Variants in HECW1 observed in about 807,000 individuals in gnomAD.
HECW1 encodes E3 ubiquitin-protein ligase HECW1.
Under a neutral mutation model 182.3 loss-of-function variants are expected in HECW1, and 61 were observed. The observed-to-expected ratio is 0.33, with a 90% confidence interval of 0.27 to 0.41. HECW1 has a LOEUF of 0.41. Among genes scored for constraint, HECW1 ranks in the 10% least tolerant of loss-of-function variants. The pLI is 1.00. For synonymous variants in HECW1, 859 were observed against 832.6 expected (o/e 1.03, Z -0.55); for missense variants, 1,739 against 2,108.9 (o/e 0.82, Z 3.44).
intron 2 of HECW1, among the ~76,000 whole-genome samples, chr7:43,213,533 C>A (rs1796182405): frequency 6.6e-6 from 1 of 150,938 alleles, no homozygotes; most frequent in Admixed American, 6.6e-5. Flanking sequence ...GCAAGCTCCA[C>A]CTTCCGGGTT....
Position 43,311,746 on chromosome 7 carries a change from T to C in HECW1, c.28-17T>C, listed in dbSNP as rs763522439. ...CGGCGTGCCCTGACCCTGCTCACTG[T>C]CTCTTTGCTCCCACAGAATCTGTAC... is the stretch of plus-strand genomic sequence containing the variant. On this transcript the variant is annotated splice_polypyrimidine_tract_variant and intron_variant, in intron 3 of 29. Coordinates refer to ENST00000395891, the MANE Select transcript of HECW1 (RefSeq NM_015052.5). 5 of 1,613,290 alleles carry C rather than the reference T, an allele frequency of 3.1e-6. No individual in the cohort carries two copies. The South Asian group carries it at 5.5e-5, about 18-fold the overall frequency.
rs117337377 is a variant in HECW1, at chr7:43,179,165, G to A, written c.-31-64710G>A. On this transcript the variant is annotated intron_variant, in intron 2 of 29. Transcript: ENST00000395891. Reference sequence around the variant, plus strand: ...CAAAAGGCACAGGTTCTTGCTTTCCGCAGAAAATAATAAATGCAAAATAGC... The same window carrying A: ...CAAAAGGCACAGGTTCTTGCTTTCCACAGAAAATAATAAATGCAAAATAGC... Among the ~76,000 whole-genome samples, 10 of 152,286 alleles carry A rather than the reference G, an allele frequency of 6.6e-5. No homozygotes were observed. The East Asian group carries it at 1.3e-3, about 21-fold the overall frequency.
intron 8 of HECW1, among the ~76,000 whole-genome samples, chr7:43,435,100 C>G (rs1256424592): frequency 6.6e-6 from 1 of 151,406 alleles, no homozygotes; most frequent in African/African-American, 2.4e-5. Flanking sequence ...GCAAAACAAG[C>G]ATTTCCCATC....
intron 27 of HECW1, among the ~76,000 whole-genome samples, 162 bp downstream of exon 27, chr7:43,550,753 A>C (rs962331888): frequency 2.0e-5 from 3 of 152,194 alleles, no homozygotes; most frequent in Admixed American, 1.3e-4. Context: ...ACCAGGGAGT[A>C]CTGAGGATCT....
At chr7:43,552,434 A>AT (rs1318068062) in intron 28 of HECW1, 98 bp downstream of exon 28, 2 of 834,978 alleles carry the variant, frequency 2.4e-6, no homozygotes, top group Admixed American at 1.9e-5. Flanking sequence ...GTAAAATAAA[A>AT]TTGACTAAAG....
intron 3 of HECW1, among the ~76,000 whole-genome samples, chr7:43,302,089 A>G (rs1361539686): frequency 6.6e-6 from 1 of 152,148 alleles, no homozygotes; most frequent in African/African-American, 2.4e-5. Flanking sequence ...AAACCCTCCT[A>G]AGTGTATTTC....
At chr7:43,114,012 T>C (rs905811664) in intron 1 of HECW1, 145 bp from the exon 2 acceptor site, 95 of 385,298 alleles carry the variant, frequency 2.5e-4, no homozygotes, top group Admixed American at 4.8e-4. Flanking sequence ...TCAGTCTGCA[T>C]TGGGCTGACA....
At chr7:43,251,715 C>T (rs1442769465) in intron 3 of HECW1, among the ~76,000 whole-genome samples, 1 of 152,202 alleles carries the variant, frequency 6.6e-6, no homozygotes, top group East Asian at 1.9e-4. Context: ...AATTAAAACC[C>T]AGCCGATGCT....
chr7:43,466,497 T>G lies in HECW1; in HGVS notation c.2842T>G (p.Leu948Val). 6.2e-7 allele frequency: 1 copy of G among 1,613,898 alleles called. No homozygotes were observed. The highest frequency in any genetic ancestry group is 8.5e-7 in the Non-Finnish European group (1 of 1,179,798). Residue 948 changes from leucine to valine, a missense_variant, in exon 15 of 30, where the codon TTG (leucine) becomes GTG (valine). Transcript: ENST00000395891. ...LSPVNSQKIT[L>V]LLQSPAVKFI... ...TCCAGTGAACTCACAAAAAATCACCTTGCTGCTGCAGTCCCCAGCGGTCAA... is the reference window on the plus strand; with the variant it reads ...TCCAGTGAACTCACAAAAAATCACCGTGCTGCTGCAGTCCCCAGCGGTCAA...
chr7:43,391,216 G>C (rs543983532), intron 6 of HECW1, among the ~76,000 whole-genome samples: 2 of 152,166 alleles, frequency 1.3e-5, no homozygotes, highest in Non-Finnish European at 2.9e-5. Context: ...ACACTTACAC[G>C]TAGACATATA....
chr7:43,171,089 G>T (rs1204595258), intron 2 of HECW1, among the ~76,000 whole-genome samples: 3 of 152,180 alleles, frequency 2.0e-5, no homozygotes, highest in African/African-American at 7.2e-5. Flanking sequence ...AAAATCCATG[G>T]ATTTGGTATT....
intron 8 of HECW1, among the ~76,000 whole-genome samples, chr7:43,435,369 G>A (rs2076678113): frequency 1.3e-5 from 2 of 152,034 alleles, no homozygotes; most frequent in South Asian, 4.1e-4. Context: ...TTCCTGGGTT[G>A]GATTCTCAAA....
intron 24 of HECW1, 55 bp downstream of exon 24, chr7:43,509,176 C>A: frequency 1.3e-6 from 2 of 1,561,020 alleles, no homozygotes; most frequent in South Asian, 1.2e-5. Context: ...CTTTCTTAGT[C>A]AGAATTCAGC....
At chr7:43,234,425 C>A (rs750543819) in intron 2 of HECW1, among the ~76,000 whole-genome samples, 1 of 152,162 alleles carries the variant, frequency 6.6e-6, no homozygotes, top group Non-Finnish European at 1.5e-5. Context: ...CTTGTGACAT[C>A]CCCAGCTTTA....
intron 8 of HECW1, among the ~76,000 whole-genome samples, chr7:43,433,950 C>T (rs1584894342): frequency 6.6e-6 from 1 of 152,266 alleles, no homozygotes; most frequent in South Asian, 2.1e-4. Context: ...TTGTCATTTC[C>T]ACACTGGTTT....
At chr7:43,299,739 C>G (rs1806496123) in intron 3 of HECW1, among the ~76,000 whole-genome samples, 1 of 152,174 alleles carries the variant, frequency 6.6e-6, no homozygotes, top group Non-Finnish European at 1.5e-5. Flanking sequence ...CTTCTAGAAC[C>G]CAGTGAAACT....
rs1379496863 is a variant in HECW1 at position 43,451,664 on chromosome 7, C to T, written c.2500+735C>T. Reference sequence around the variant, plus strand: ...ACCTAGATAGTCTCTAGATACCATTCTAGCTTTAACTTCATAATACTCCAT... The same window carrying T: ...ACCTAGATAGTCTCTAGATACCATTTTAGCTTTAACTTCATAATACTCCAT... On this transcript the variant is annotated intron_variant, in intron 12 of 29. Coordinates refer to ENST00000395891, the MANE Select transcript of HECW1 (RefSeq NM_015052.5). Among the ~76,000 whole-genome samples, 3 of 152,290 alleles carry T rather than the reference C, an allele frequency of 2.0e-5. No individual in the cohort carries two copies. The East Asian group carries it at 5.8e-4, about 29-fold the overall frequency.
At chr7:43,416,873 G>A (rs1350577802) in intron 8 of HECW1, among the ~76,000 whole-genome samples, 1 of 138,530 alleles carries the variant, frequency 7.2e-6, no homozygotes, top group Non-Finnish European at 1.6e-5. Flanking sequence ...GGCAATGCTC[G>A]CCCTGCTTCG....
intron 4 of HECW1, among the ~76,000 whole-genome samples, chr7:43,315,908 A>G (rs1264802471): frequency 1.3e-5 from 2 of 152,148 alleles, no homozygotes; most frequent in Non-Finnish European, 2.9e-5. Context: ...TGGAAGCCAT[A>G]TCTTTTTTCT....
Sources: allele counts gnomAD v4.1 joint callset (sites outside exome capture counted in the v4.1 genomes callset), GRCh38; gene constraint gnomAD v4.1.1; transcripts MANE v1.5; gene names NCBI Gene and HGNC (gene_info 2026-07-23, HGNC 2026-07-21).